The following ALMS1 variants were observed in gnomAD, a reference collection of about 807,000 sequenced individuals.
ALMS1 encodes the protein centrosome-associated protein ALMS1.
In ALMS1, 271 loss-of-function variants were observed where a neutral mutation model predicts 352.2. That is an observed-to-expected ratio of 0.77 (90% CI 0.70 to 0.85). ALMS1 has a LOEUF of 0.85. Ranked by LOEUF, ALMS1 falls within the 40% of genes least tolerant of loss-of-function variation. The pLI is 0.00. For synonymous variants in ALMS1, 1,865 were observed against 1,761.2 expected, an observed-to-expected ratio of 1.06 and a Z score of -1.48; for missense variants, 5,445 against 4,870.7, an observed-to-expected ratio of 1.12 and a Z score of -3.51.
At position 73,453,484 on chromosome 2, in the gene ALMS1, A is replaced by C. The variant is rs752181026; in HGVS notation, c.6957A>C (p.Arg2319Ser). 2.5e-6 allele frequency: 4 copies of C among 1,613,380 alleles called. No individual in the cohort carries two copies. The Admixed American group carries it at 6.7e-5, about 27-fold the overall frequency. Residue 2319 changes from arginine to serine, a missense_variant, in exon 8 of 23, where the codon AGA (arginine) becomes AGC (serine). Arg to Ser is a moderately radical substitution (Grantham distance 110, BLOSUM62 -1). Transcript: ENST00000613296. The stretch of plus-strand genomic sequence containing the variant: ...TATCTAATGGTGATTTGCTTCACAG[A>C]CAGCCATTCACAGAGGAAAGCCCAA... ...TGVSNGDLLH[R>S]QPFTEESPSS...
At chr2:73,482,372 G>C (rs1489867918) in intron 9 of ALMS1, among the ~76,000 whole-genome samples, 7 of 152,084 alleles carry the variant, frequency 4.6e-5, no homozygotes, top group Non-Finnish European at 1.0e-4. Context: ...TTATATGCTG[G>C]ATTACATTTA....
intron 7 of ALMS1, among the ~76,000 whole-genome samples, chr2:73,433,453 G>A (rs925490357): frequency 2.0e-5 from 3 of 152,140 alleles, no homozygotes; most frequent in African/African-American, 7.3e-5. Flanking sequence ...GATGAGGTGG[G>A]AATAAGTTAC....
At chr2:73,476,473 G>A (rs890501385) in intron 9 of ALMS1, among the ~76,000 whole-genome samples, 12 of 152,036 alleles carry the variant, frequency 7.9e-5, no homozygotes, top group East Asian at 1.9e-4. Flanking sequence ...AGGAAGCTCC[G>A]TACTGTTTTC....
In ALMS1 at chr2:73,386,043, C is replaced by T; in HGVS notation, c.175C>T (p.His59Tyr). 1.9e-6 allele frequency: 3 copies of T among 1,573,086 alleles called. No homozygotes were observed. Among genetic ancestry groups the T allele is most frequent in the East Asian group, 2.4e-5 (1 of 42,144 alleles). ...GGGGCGGGAGTTGGACTCCGACTCT[C>T]ACTACGGGCCCCAGCATCTGGAAAG... ...EAGRELDSDS[H>Y]YGPQHLESID... The change falls in exon 1 of 23, where the codon CAC (histidine) becomes TAC (tyrosine). Residue 59 changes from histidine (H) to tyrosine (Y), a missense_variant. His to Tyr is a moderately conservative substitution (Grantham distance 83). Coordinates refer to ENST00000613296, the MANE Select transcript of ALMS1 (RefSeq NM_001378454.1).
At chr2:73,546,537 A>C (rs1178886933) in intron 12 of ALMS1, among the ~76,000 whole-genome samples, 1 of 152,228 alleles carries the variant, frequency 6.6e-6, no homozygotes, top group Non-Finnish European at 1.5e-5. Context: ...GATATTAAAC[A>C]AATAAACCAT....
At chr2:73,558,569 A>G (rs1275325734) in intron 14 of ALMS1, among the ~76,000 whole-genome samples, 3 of 152,208 alleles carry the variant, frequency 2.0e-5, no homozygotes, top group Non-Finnish European at 4.4e-5. Flanking sequence ...TTCTATAATC[A>G]AATGCTATAT....
Position 73,448,503 on chromosome 2 carries a change from C to G in ALMS1, c.1976C>G (p.Thr659Arg), listed in dbSNP as rs199682595. Residue 659 changes from threonine (T) to arginine (R), a missense_variant, in exon 8 of 23, where the codon ACG (threonine) becomes AGG (arginine). Transcript: ENST00000613296. ...SAAPGPVEQK[T>R]GIPTVSSTSH... ...GCTCCTGGCCCAGTGGAGCAGAAGA[C>G]GGGAATACCTACAGTATCCTCTACA... 1.2e-6 allele frequency: 2 copies of G among 1,613,862 alleles called. No homozygotes were observed. The highest frequency in any genetic ancestry group is 1.7e-6 in the Non-Finnish European group (2 of 1,179,930).
At chr2:73,430,175 C>T (rs1173192377) in intron 6 of ALMS1, among the ~76,000 whole-genome samples, 1 of 151,132 alleles carries the variant, frequency 6.6e-6, no homozygotes, top group African/African-American at 2.4e-5. Flanking sequence ...CTCCCGGGTT[C>T]ACACCATTCT....
intron 19 of ALMS1, 66 bp from the exon 20 acceptor site, chr2:73,602,119 G>C (rs1202182157): frequency 6.8e-6 from 10 of 1,478,224 alleles, no homozygotes; most frequent in South Asian, 4.8e-5. Flanking sequence ...GTGTCTCCAG[G>C]CATATGGAGA....
chr2:73,605,815 C>T (rs937005077), intron 21 of ALMS1, among the ~76,000 whole-genome samples: 1 of 151,702 alleles, frequency 6.6e-6, no homozygotes, highest in South Asian at 2.1e-4. Context: ...TGCACACCAG[C>T]CTGGGCAACA....
intron 1 of ALMS1, among the ~76,000 whole-genome samples, chr2:73,397,720 G>A (rs940903674): frequency 6.6e-6 from 1 of 152,070 alleles, no homozygotes; most frequent in African/African-American, 2.4e-5. Flanking sequence ...CACCTGCCTC[G>A]GCCTCCCAGA....
At position 73,572,976 on chromosome 2, in the gene ALMS1, A is replaced by G. The variant is rs1256508287; in HGVS notation, c.11099A>G (p.His3700Arg). Residue 3700 changes from histidine to arginine, a missense_variant, in exon 16 of 23, where the codon CAT (histidine) becomes CGT (arginine). Transcript: ENST00000613296. ...GELKKSKVLS[H>R]HRAGRSNQIK... Reference sequence around the variant, plus strand: ...CTTAAAAAAAGCAAGGTGCTTTCTCATCATCGAGCTGGGAGGTCTAATCAA... The same window carrying G: ...CTTAAAAAAAGCAAGGTGCTTTCTCGTCATCGAGCTGGGAGGTCTAATCAA... 4 of 1,614,050 alleles carry G rather than the reference A, an allele frequency of 2.5e-6. No homozygotes were observed. In the African/African-American group the frequency reaches 4.0e-5, roughly 16 times the overall value.
chr2:73,395,004 G>GTA lies in ALMS1; in HGVS notation c.324+8820_324+8821dup, dbSNP rs1281325565. On this transcript the variant is annotated intron_variant, in intron 1 of 22. Coordinates refer to ENST00000613296, the MANE Select transcript of ALMS1 (RefSeq NM_001378454.1). ...CATATATATGTGTATATATATATGT[G>GTA]TATATATATGTGTATATATATGTGT... Among the ~76,000 whole-genome samples, 12 of 138,576 alleles carry GTA rather than the reference G, an allele frequency of 8.7e-5. No homozygotes were observed. The East Asian group carries it at 1.7e-3, about 20-fold the overall frequency. The allele number at this position is 138,576 out of a possible 152,430, so 90.9% of individuals were successfully genotyped here.
intron 15 of ALMS1, among the ~76,000 whole-genome samples, chr2:73,561,946 T>C (rs1267655500): frequency 1.4e-5 from 2 of 145,920 alleles, no homozygotes; most frequent in Admixed American, 6.8e-5. Flanking sequence ...AATAATGAAA[T>C]GAAAAGGGAG....
intron 15 of ALMS1, among the ~76,000 whole-genome samples, chr2:73,559,668 A>G (rs1333125661): frequency 6.6e-6 from 1 of 152,226 alleles, no homozygotes; most frequent in African/African-American, 2.4e-5. Flanking sequence ...AAAAGAGTCA[A>G]GGAGCTAAAC....
chr2:73,550,337 C>CACTGTTA lies in ALMS1; in HGVS notation c.9981_9987dup (p.Ile3330CysfsTer2), dbSNP rs1310777713. The CACTGTTA allele has an allele frequency of 6.2e-7, 1 of 1,614,154 alleles. No individual in the cohort carries two copies. The highest frequency in any genetic ancestry group is 8.5e-7 in the Non-Finnish European group (1 of 1,180,000). The stretch of plus-strand genomic sequence containing the variant: ...GCACAAGAGATGATGACCTCTCAGC[C>CACTGTTA]ACTGTTAACATTAAACATAAAGAAG... On this transcript the variant is annotated frameshift_variant, in exon 13 of 23. Coordinates refer to ENST00000613296, the MANE Select transcript of ALMS1 (RefSeq NM_001378454.1). LOFTEE classifies it high-confidence loss of function.
chr2:73,455,195 G>A lies in ALMS1; in HGVS notation c.7574G>A (p.Cys2525Tyr). 6.2e-7 allele frequency: 1 copy of A among 1,613,332 alleles called. No homozygotes were observed. Among genetic ancestry groups the A allele is most frequent in the Middle Eastern group, 1.7e-4 (1 of 6,046 alleles). ...ATGAAGTTCAATTTAGCACATGATT[G>A]TGGATACTCCATTTCAGAATTAAAT... ...WNMKFNLAHD[C>Y]GYSISELNED... The change falls in exon 9 of 23, where the codon TGT becomes TAT. Residue 2525 changes from cysteine to tyrosine, a missense_variant. Cys to Tyr is a radical substitution (Grantham distance 194). Transcript: ENST00000613296.
chr2:73,448,178 ACT>A lies in ALMS1; in HGVS notation c.1654_1655del (p.Leu552GlufsTer7), dbSNP rs1450834024. On this transcript the variant is annotated frameshift_variant, in exon 8 of 23. Coordinates refer to ENST00000613296, the MANE Select transcript of ALMS1 (RefSeq NM_001378454.1). LOFTEE classifies it high-confidence loss of function. ...AGCAGATACTCATCTAACTGAAGAG[ACT>A]CTGAAAGTCACAGCTATTCCTGAAC... The part of the protein sequence containing the change: ...TLADTHLTEE[T>X]LKVTAIPEPA... 1 of 1,613,950 alleles carries A rather than the reference ACT, an allele frequency of 6.2e-7. No homozygotes were observed. The highest frequency in any genetic ancestry group is 2.2e-5 in the East Asian group (1 of 44,876).
At chr2:73,467,235 A>G (rs550177974) in intron 9 of ALMS1, among the ~76,000 whole-genome samples, 82 of 152,238 alleles carry the variant, frequency 5.4e-4, no homozygotes, top group Non-Finnish European at 8.5e-4. Context: ...TCGGATACAT[A>G]TATTTGATAA....
Sources: gnomAD v4.1 joint callset for allele counts (sites outside exome capture counted in the v4.1 genomes callset) on GRCh38, gnomAD v4.1.1 for gene constraint, MANE v1.5 for transcripts, NCBI Gene and HGNC (gene_info 2026-07-23, HGNC 2026-07-21) for gene names.